Variants in NUP88 observed in about 807,000 individuals in gnomAD.
NUP88 encodes the protein nuclear pore complex protein Nup88.
A neutral mutation model predicts 93.9 loss-of-function variants in NUP88; 57 were observed. The ratio of observed to expected loss-of-function variants is 0.61; its 90% CI spans 0.49 to 0.76. The LOEUF (loss-of-function observed/expected upper bound fraction) is 0.76, where lower values mean the gene tolerates loss of function less well. Among genes scored for constraint, NUP88 ranks in the 30% least tolerant of loss-of-function variants. The pLI, the probability that NUP88 is intolerant of heterozygous loss-of-function variation, is 0.00. For synonymous variants in NUP88, 346 were observed against 336.8 expected (o/e 1.03, Z -0.30); for missense variants, 911 against 901.0 (o/e 1.01, Z -0.14).
At chr17:5,398,262 T>C (rs1912909737) in intron 8 of NUP88, among the ~76,000 whole-genome samples, 1 of 151,426 alleles carries the variant, frequency 6.6e-6, no homozygotes, top group Admixed American at 6.6e-5. Context: ...TGGATAGTTT[T>C]GATTACTAAT....
In NUP88 at chr17:5,386,152, G is replaced by A; in HGVS notation, c.*54C>T. 3.8e-6 allele frequency: 5 copies of A among 1,314,152 alleles called. No individual in the cohort carries two copies. 81.4% of individuals were successfully genotyped at this position (1,314,152 alleles called of 1,614,324 possible). On this transcript the variant is annotated 3_prime_UTR_variant, in exon 17 of 17. Transcript: ENST00000573584. ...GATAATTCTACCTGTTTTACAATAT[G>A]GGTTTAAGCCTTCAATGGTGTTCAG...
At chr17:5,397,976 CG>C (rs1217562356) in intron 8 of NUP88, among the ~76,000 whole-genome samples, 2 of 113,936 alleles carry the variant, frequency 1.8e-5, no homozygotes, top group East Asian at 6.7e-4. Flanking sequence ...GATCTCGACT[CG>C]AATACAGCAG....
At position 5,385,384 on chromosome 17, in the gene NUP88, G is replaced by GT. The variant is rs748847469; in HGVS notation, c.*821dup. On this transcript the variant is annotated 3_prime_UTR_variant, in exon 17 of 17. Coordinates refer to ENST00000573584, the MANE Select transcript of NUP88 (RefSeq NM_002532.6). ...TCTGTGCCTACATGTTCTCATGCAT[G>GT]TCTAACCTGATTTACCTCTTACCTG... is the stretch of plus-strand genomic sequence containing the variant. 22 of 230,428 alleles carry GT rather than the reference G, an allele frequency of 9.5e-5. No homozygotes were observed. Among genetic ancestry groups the GT allele is most frequent in the Non-Finnish European group, 1.5e-4 (18 of 116,408 alleles). The allele number at this position is 230,428 out of a possible 1,614,324, so 14.3% of individuals were successfully genotyped here.
chr17:5,396,031 C>A (rs750188566), intron 8 of NUP88, among the ~76,000 whole-genome samples: 3 of 151,848 alleles, frequency 2.0e-5, no homozygotes, highest in South Asian at 2.1e-4. Context: ...GCCAACATAG[C>A]GAGACGCCGT....
rs1178562941 is a variant in NUP88, at chr17:5,387,999, T to C, written c.1644-95A>G. The C allele has an allele frequency of 3.9e-6, 5 of 1,266,744 alleles. No homozygotes were observed. The African/African-American group carries it at 6.1e-5, about 15-fold the overall frequency. The allele number at this position is 1,266,744 out of a possible 1,614,324, so 78.5% of individuals were successfully genotyped here. A position where few individuals can be genotyped will look rare whatever the true frequency, so the allele number is the denominator to read the frequency against. ...TCACAGGTGCTTTTTAAACTTTTTA[T>C]ATTTTTAATTTATTTATTTGAGATG... On this transcript the variant is annotated intron_variant, in intron 11 of 16. Coordinates refer to ENST00000573584, the MANE Select transcript of NUP88 (RefSeq NM_002532.6).
intron 2 of NUP88, among the ~76,000 whole-genome samples, chr17:5,414,827 G>T (rs1453432141): frequency 4.0e-5 from 6 of 151,762 alleles, no homozygotes; most frequent in South Asian, 2.1e-4. Context: ...TGAGGCAGAA[G>T]AATCGCTGGA....
chr17:5,413,352 T>A (rs1597330475), intron 3 of NUP88, among the ~76,000 whole-genome samples: 2 of 152,208 alleles, frequency 1.3e-5, no homozygotes. Context: ...AAGACATCAT[T>A]AAGGGGTGAG....
chr17:5,416,517 A>G lies in NUP88; in HGVS notation c.463T>C (p.Cys155Arg). 6.2e-7 allele frequency: 1 copy of G among 1,604,438 alleles called. No homozygotes were observed. Among genetic ancestry groups the G allele is most frequent in the Non-Finnish European group, 8.5e-7 (1 of 1,174,906 alleles). ...EFEGGKSTVN[C>R]STTPVAERFF... ...GATAAATAGTATACAACTTACCTAC[A>G]ATTCACTGTTGATTTTCCACCTTCA... Residue 155 changes from cysteine (C) to arginine (R), a missense_variant, in exon 2 of 17, where the codon TGT becomes CGT. By Grantham distance (180) the Cys-to-Arg change is radical. Coordinates refer to ENST00000573584, the MANE Select transcript of NUP88 (RefSeq NM_002532.6).
At chr17:5,407,309 TC>T (rs1913556136) in intron 5 of NUP88, among the ~76,000 whole-genome samples, 1 of 152,230 alleles carries the variant, frequency 6.6e-6, no homozygotes, top group Non-Finnish European at 1.5e-5. Context: ...GCAGGCCTAC[TC>T]ATTTACTCCA....
Position 5,413,994 on chromosome 17 carries a change from A to G in NUP88, c.593+15T>C, listed in dbSNP as rs759339348. ...TCCCACTCGCAAGGCTTCAAGAGAGAGAAATAAAATTTACCTGATTACGTT... is the reference window on the plus strand; with the variant it reads ...TCCCACTCGCAAGGCTTCAAGAGAGGGAAATAAAATTTACCTGATTACGTT... On this transcript the variant is annotated intron_variant, in intron 3 of 16. Coordinates refer to ENST00000573584, the MANE Select transcript of NUP88 (RefSeq NM_002532.6). 6.2e-7 allele frequency: 1 copy of G among 1,612,704 alleles called. No homozygotes were observed. Among genetic ancestry groups the G allele is most frequent in the South Asian group, 1.1e-5 (1 of 91,014 alleles).
Position 5,386,739 on chromosome 17 carries a change from G to A in NUP88, c.2131C>T (p.Arg711Ter), listed in dbSNP as rs764971841. 2.5e-6 allele frequency: 4 copies of A among 1,612,552 alleles called. No homozygotes were observed. The highest frequency in any genetic ancestry group is 2.2e-5 in the East Asian group (1 of 44,880). The change falls in exon 16 of 17, where the codon CGA becomes TGA. Residue 711 changes from arginine (R) to a stop codon, truncating the protein, a stop_gained. Coordinates refer to ENST00000573584, the MANE Select transcript of NUP88 (RefSeq NM_002532.6). LOFTEE classifies it high-confidence loss of function. ...KPTIILSAYQ[R>*]KCIQSILKEE... ...TTCAGGATGGACTGAATGCACTTTC[G>A]CTGGTAGGCACTGAGAATAATGGTG... is the stretch of plus-strand genomic sequence containing the variant.
chr17:5,414,384 G>C (rs1914017146), intron 2 of NUP88, among the ~76,000 whole-genome samples: 2 of 151,868 alleles, frequency 1.3e-5, no homozygotes, highest in African/African-American at 2.4e-5. Flanking sequence ...CAGTAGAGAG[G>C]GGGTTTCTCC....
intron 2 of NUP88, 68 bp from the exon 3 acceptor site, chr17:5,414,202 T>A: frequency 6.8e-7 from 1 of 1,464,918 alleles, no homozygotes; most frequent in Non-Finnish European, 9.4e-7. Flanking sequence ...TAAAGGAACT[T>A]CTTTTTTTTG....
Position 5,388,861 on chromosome 17 carries a change from G to A in NUP88, c.1584C>T (p.Ser528=), listed in dbSNP as rs749556667. 3 of 1,614,098 alleles carry A rather than the reference G, an allele frequency of 1.9e-6. No homozygotes were observed. Among genetic ancestry groups the A allele is most frequent in the Non-Finnish European group, 2.5e-6 (3 of 1,179,984 alleles). The change falls in exon 11 of 17, where the codon TCC becomes TCT. Residue 528 remains serine (S), a synonymous_variant. Transcript: ENST00000573584. ...AAATGCTTCTAATATGCTTTTCAAA[G>A]GAATCTGGGGTTTCAGCCAGAACAC... ...PLRVLAETPD[S]FEKHIRSILQ... is the part of the protein sequence containing the mutation.
rs199957380 is a variant in NUP88 at position 5,400,785 on chromosome 17, G to C, written c.1193-1135C>G. Among the ~76,000 whole-genome samples, 7 of 152,160 alleles carry C rather than the reference G, an allele frequency of 4.6e-5. No individual in the cohort carries two copies. The East Asian group carries it at 1.2e-3, about 25-fold the overall frequency. ...AACGGCTCAGGGAACAGTTCTATCA[G>C]TGTAGTAAGGTGTGAAATGAGAAGT... On this transcript the variant is annotated intron_variant, in intron 7 of 16. Transcript: ENST00000573584.
intron 7 of NUP88, among the ~76,000 whole-genome samples, chr17:5,400,139 T>TAAAAGAAAAAA (rs199804588): frequency 1.8e-5 from 2 of 111,614 alleles, no homozygotes; most frequent in Non-Finnish European, 3.5e-5. Flanking sequence ...CTTTCATTTG[T>TAAAAGAAAAAA]TAAAAAAAAA....
chr17:5,396,479 T>C (rs1438021594), intron 8 of NUP88, among the ~76,000 whole-genome samples: 1 of 152,252 alleles, frequency 6.6e-6, no homozygotes, highest in Non-Finnish European at 1.5e-5. Flanking sequence ...TTCCTTTTCA[T>C]TGTTGAATAA....
At chr17:5,404,337 G>A (rs1913356452) in intron 6 of NUP88, 91 bp from the exon 7 acceptor site, 1 of 1,371,552 alleles carries the variant, frequency 7.3e-7, no homozygotes, top group South Asian at 1.3e-5. Context: ...TCAGGGCCGG[G>A]TGCGGCTGTT....
intron 5 of NUP88, among the ~76,000 whole-genome samples, chr17:5,408,396 C>G (rs1205439294): frequency 1.3e-5 from 2 of 152,184 alleles, no homozygotes; most frequent in Non-Finnish European, 2.9e-5. Flanking sequence ...CTCCCCACAA[C>G]TGGGACATAA....
Sources: gnomAD v4.1 joint callset for allele counts (sites outside exome capture counted in the v4.1 genomes callset) on GRCh38, gnomAD v4.1.1 for gene constraint, MANE v1.5 for transcripts, NCBI Gene and HGNC (gene_info 2026-07-23, HGNC 2026-07-21) for gene names.